Variants in KAZN observed in about 807,000 individuals in gnomAD.
The protein encoded by KAZN is kazrin.
Under a neutral mutation model 87.4 loss-of-function variants are expected in KAZN, and 40 were observed. The ratio of observed to expected loss-of-function variants is 0.46; its 90% CI spans 0.36 to 0.60. KAZN has a LOEUF of 0.60. Ranked by LOEUF, KAZN falls within the 20% of genes least tolerant of loss-of-function variation. KAZN has a pLI of 0.00. For missense variants in KAZN, 898 were observed against 1,073.9 expected (o/e 0.84, Z 2.29); for synonymous variants, 466 against 458.3 (o/e 1.02, Z -0.22).
chr1:14,816,867 A>C (rs1646582666), intron 1 of KAZN, among the ~76,000 whole-genome samples: 1 of 152,198 alleles, frequency 6.6e-6, no homozygotes, highest in Non-Finnish European at 1.5e-5. Context: ...TCCTAGCCAC[A>C]CTCAAAGCTA....
chr1:14,870,788 A>T (rs1380071506), intron 1 of KAZN, among the ~76,000 whole-genome samples: 1 of 152,184 alleles, frequency 6.6e-6, no homozygotes, highest in Non-Finnish European at 1.5e-5. Context: ...GTTGTGTGGC[A>T]CTATGTGTCA....
Position 14,962,747 on chromosome 1 carries a change from GTCTTTGACCAGGTACAGGAT to G in KAZN, c.418+1876_418+1895del, listed in dbSNP as rs1216894264. ...CAGGGACAGAGACGCCAACCTCCAC[GTCTTTGACCAGGTACAGGAT>G]TCTCACCCCTATGTGCTCTTCTGGA... On this transcript the variant is annotated intron_variant, in intron 2 of 14. Transcript: ENST00000376030. 3.9e-5 allele frequency among the ~76,000 whole-genome samples: 6 copies of G among 152,124 alleles called. 1 individual carries two copies. The highest frequency in any genetic ancestry group is 3.3e-4 in the Admixed American group (5 of 15,268).
rs552186386 is a variant in KAZN, at chr1:14,387,379, G to A, written c.249+206787G>A. On this transcript the variant is annotated intron_variant, in intron 2 of 16. Coordinates refer to the KAZN transcript ENST00000636203. ...GAGGAACTGCGTTCCTTTGGAGGAGGAGAGGTGCTCTGCCTTTTAGAGTTT... is the reference window on the plus strand; with the variant it reads ...GAGGAACTGCGTTCCTTTGGAGGAGAAGAGGTGCTCTGCCTTTTAGAGTTT... Among the ~76,000 whole-genome samples the A allele has an allele frequency of 1.3e-5, 2 of 152,202 alleles. 1 individual carries two copies. Among genetic ancestry groups the A allele is most frequent in the South Asian group, 4.1e-4 (2 of 4,820 alleles).
At chr1:14,824,598 G>A (rs929175529) in intron 1 of KAZN, among the ~76,000 whole-genome samples, 11 of 152,166 alleles carry the variant, frequency 7.2e-5, no homozygotes, top group African/African-American at 2.7e-4. Context: ...ATTTATCTGA[G>A]GGTTAAGTAA....
In KAZN at chr1:14,523,669, C is replaced by T. The variant is rs1265862402; in HGVS notation, c.250-75314C>T. Among the ~76,000 whole-genome samples the T allele has an allele frequency of 2.6e-5, 4 of 152,198 alleles. No homozygotes were observed. The East Asian group carries it at 7.7e-4, about 29-fold the overall frequency. ...AATATTTCTTTGTACATTCCAGCTG[C>T]CTTCTGAATCCCTTACTTCCTCTTC... On this transcript the variant is annotated intron_variant, in intron 2 of 16. Transcript: ENST00000636203.
At chr1:14,725,721 A>T (rs1025305905) in intron 1 of KAZN, among the ~76,000 whole-genome samples, 1 of 152,060 alleles carries the variant, frequency 6.6e-6, no homozygotes, top group East Asian at 1.9e-4. Context: ...GCTTTCCCCA[A>T]TACAGTCAAC....
Position 14,960,379 on chromosome 1 carries a change from A to G in KAZN, c.227-305A>G, listed in dbSNP as rs576884881. ...CTCAGCATGCTGTTGGCTCATGGTT[A>G]TGATGCTAACTCCTAAGACCGTCGG... On this transcript the variant is annotated intron_variant, in intron 1 of 14. Transcript: ENST00000376030. Among the ~76,000 whole-genome samples the G allele has an allele frequency of 4.6e-5, 7 of 152,330 alleles. No individual in the cohort carries two copies. In the East Asian group the frequency reaches 1.4e-3, roughly 29 times the overall value.
In KAZN at chr1:14,433,131, G is replaced by A. The variant is rs771004889; in HGVS notation, c.250-165852G>A. Reference sequence around the variant, plus strand: ...AGGTATCATGAAATAAAATACACATGTTGTAGCATGCAGTCCCATGAGATA... The same window carrying A: ...AGGTATCATGAAATAAAATACACATATTGTAGCATGCAGTCCCATGAGATA... On this transcript the variant is annotated intron_variant, in intron 2 of 16. Coordinates refer to the KAZN transcript ENST00000636203. Among the ~76,000 whole-genome samples the A allele has an allele frequency of 7.6e-4, 115 of 151,964 alleles. 4 individuals carry two copies. Among genetic ancestry groups the A allele is most frequent in the Non-Finnish European group, 5.4e-4 (37 of 68,006 alleles).
At chr1:14,671,569 C>A (rs1175987683) in intron 1 of KAZN, among the ~76,000 whole-genome samples, 5 of 152,186 alleles carry the variant, frequency 3.3e-5, no homozygotes, top group Admixed American at 3.3e-4. Flanking sequence ...ATAGGCCCAC[C>A]ACTTATTTAT....
chr1:14,299,927 A>T (rs1194134820), intron 2 of KAZN, among the ~76,000 whole-genome samples: 2 of 152,164 alleles, frequency 1.3e-5, no homozygotes, highest in Non-Finnish European at 2.9e-5. Flanking sequence ...GCATTAAGGC[A>T]ATTACAGTGG....
At chr1:14,542,283 G>A (rs1372440594) in intron 2 of KAZN, among the ~76,000 whole-genome samples, 7 of 139,088 alleles carry the variant, frequency 5.0e-5, no homozygotes, top group African/African-American at 1.1e-4. Flanking sequence ...ATCACACACC[G>A]GGGACTGTTG....
chr1:13,976,248 T>C (rs981085895), intron 1 of KAZN, among the ~76,000 whole-genome samples: 1 of 152,232 alleles, frequency 6.6e-6, no homozygotes, highest in Non-Finnish European at 1.5e-5. Context: ...ATCCATGCTT[T>C]TGATTTTCAA....
intron 1 of KAZN, among the ~76,000 whole-genome samples, chr1:14,662,828 T>A (rs890018105): frequency 2.7e-5 from 4 of 150,000 alleles, no homozygotes; most frequent in Non-Finnish European, 3.0e-5. Context: ...ACCTGCCATG[T>A]GCCAAGTACT....
intron 1 of KAZN, among the ~76,000 whole-genome samples, chr1:13,959,602 C>T (rs1641676699): frequency 6.6e-6 from 1 of 152,176 alleles, no homozygotes; most frequent in Admixed American, 6.5e-5. Flanking sequence ...TGCACTTGTT[C>T]CCTTTGCATG....
intron 2 of KAZN, among the ~76,000 whole-genome samples, chr1:14,961,525 A>G (rs371648423): frequency 1.4e-3 from 213 of 152,248 alleles, no homozygotes; most frequent in African/African-American, 4.5e-3. Flanking sequence ...GCCACATTCT[A>G]TGGGGCTGGA....
chr1:14,313,115 A>T (rs753528650), intron 2 of KAZN, among the ~76,000 whole-genome samples: 15 of 152,198 alleles, frequency 9.9e-5, no homozygotes, highest in Non-Finnish European at 2.2e-4. Flanking sequence ...AATTTTCACT[A>T]ATCAAGCACA....
chr1:14,782,490 G>A (rs990522171), intron 1 of KAZN, among the ~76,000 whole-genome samples: 1 of 140,870 alleles, frequency 7.1e-6, no homozygotes. Context: ...AGAGTTTGCA[G>A]TGAGCCAAGG....
intron 2 of KAZN, among the ~76,000 whole-genome samples, chr1:14,314,595 C>T (rs1279897442): frequency 2.0e-5 from 3 of 152,168 alleles, no homozygotes; most frequent in Non-Finnish European, 4.4e-5. Context: ...TTCTCAATCA[C>T]TGCATCCTCA....
In KAZN at chr1:14,161,514, A is replaced by T. The variant is rs1049641224; in HGVS notation, c.92-18921A>T. The stretch of plus-strand genomic sequence containing the variant: ...AAGTTGCCGAAGTCTTCACAACTTC[A>T]GTTGACTTCCTTCAGAGTGAGTGAT... On this transcript the variant is annotated intron_variant, in intron 1 of 16. Transcript: ENST00000636203. Among the ~76,000 whole-genome samples the T allele has an allele frequency of 4.6e-5, 7 of 152,228 alleles. No individual in the cohort carries two copies. The East Asian group carries it at 1.3e-3, about 29-fold the overall frequency.
Sources: gnomAD v4.1 joint callset for allele counts (sites outside exome capture counted in the v4.1 genomes callset) on GRCh38, gnomAD v4.1.1 for gene constraint, MANE v1.5 for transcripts, NCBI Gene and HGNC (gene_info 2026-07-23, HGNC 2026-07-21) for gene names.